PRKN: variants seen among roughly 807,000 people sequenced by gnomAD.
PRKN encodes the protein parkin RBR E3 ubiquitin protein ligase.
A neutral mutation model predicts 59.5 loss-of-function variants in PRKN; 56 were observed. The ratio of observed to expected loss-of-function variants is 0.94; its 90% CI spans 0.76 to 1.18. The LOEUF is 1.18. PRKN is among the 50% of genes most tolerant of loss of function. The probability of loss-of-function intolerance (pLI) is 0.00; values close to 1 mark genes in which losing one functional copy is unlikely to be tolerated. For synonymous variants in PRKN, 250 were observed against 222.1 expected (o/e 1.13, Z -1.12); for missense variants, 657 against 596.4 (o/e 1.10, Z -1.06).
At chr6:161,665,635 A>G (rs896149774) in intron 7 of PRKN, among the ~76,000 whole-genome samples, 2 of 152,156 alleles carry the variant, frequency 1.3e-5, no homozygotes, top group Non-Finnish European at 2.9e-5. Flanking sequence ...TTCTACATCA[A>G]AATCTCCTTT....
chr6:161,683,510 C>G (rs1030942993), intron 7 of PRKN, among the ~76,000 whole-genome samples: 12 of 152,170 alleles, frequency 7.9e-5, no homozygotes, highest in African/African-American at 2.9e-4. Flanking sequence ...AATCCCTTTC[C>G]TCTCCCCTCA....
chr6:161,939,554 A>C (rs1779480643), intron 6 of PRKN, among the ~76,000 whole-genome samples: 1 of 151,842 alleles, frequency 6.6e-6, no homozygotes, highest in African/African-American at 2.4e-5. Flanking sequence ...CAATATGGTG[A>C]AACCCCATCT....
At chr6:162,683,578 T>C (rs1486022476) in intron 1 of PRKN, among the ~76,000 whole-genome samples, 3 of 152,120 alleles carry the variant, frequency 2.0e-5, no homozygotes, top group African/African-American at 7.2e-5. Context: ...GGTTTTTGGT[T>C]AGTTTCCTGG....
chr6:162,029,740 G>A (rs1783569210), intron 5 of PRKN, among the ~76,000 whole-genome samples: 1 of 152,098 alleles, frequency 6.6e-6, no homozygotes, highest in Non-Finnish European at 1.5e-5. Flanking sequence ...TATTTTTGTT[G>A]TTGTTATCAT....
intron 6 of PRKN, among the ~76,000 whole-genome samples, chr6:161,825,491 T>C (rs1792206051): frequency 6.6e-6 from 1 of 152,216 alleles, no homozygotes; most frequent in Non-Finnish European, 1.5e-5. Context: ...CTCATGGCCA[T>C]GTCCCTTTCC....
intron 3 of PRKN, among the ~76,000 whole-genome samples, chr6:162,216,718 G>C (rs1485924420): frequency 6.6e-6 from 1 of 152,034 alleles, no homozygotes; most frequent in African/African-American, 2.4e-5. Context: ...CGGCCACACA[G>C]CCAGGACACT....
In PRKN at chr6:161,391,856, T is replaced by A. The variant is rs933150140; in HGVS notation, c.1084-4979A>T. Among the ~76,000 whole-genome samples the A allele has an allele frequency of 4.7e-4, 71 of 152,124 alleles. 1 individual carries two copies. The highest frequency in any genetic ancestry group is 1.5e-3 in the African/African-American group (64 of 41,486). ...AAGAGTTCCAGCCTGCCCTTCCTGA[T>A]GGCCACTCTGTGGATTTAGGAGGTG... On this transcript the variant is annotated intron_variant, in intron 9 of 11. Transcript: ENST00000366898. This position sits in a 1 kb window ranked among gnomAD's most constrained non-coding sequence, Gnocchi z 4.9.
chr6:161,910,810 A>T (rs1006977777), intron 6 of PRKN, among the ~76,000 whole-genome samples: 1 of 152,230 alleles, frequency 6.6e-6, no homozygotes, highest in Non-Finnish European at 1.5e-5. Context: ...CTGATCAGAC[A>T]GCAGCCATCA....
intron 4 of PRKN, among the ~76,000 whole-genome samples, chr6:162,162,568 T>C (rs1583131451): frequency 1.3e-5 from 2 of 152,156 alleles, no homozygotes; most frequent in East Asian, 3.9e-4. Context: ...GAGAAAACTG[T>C]ATGGAAAAAT....
rs373361356 is a variant in PRKN at position 161,442,481 on chromosome 6, G to T, written c.1084-55604C>A. 1.6e-4 allele frequency among the ~76,000 whole-genome samples: 25 copies of T among 152,242 alleles called. No individual in the cohort carries two copies. In the East Asian group the frequency reaches 3.3e-3, roughly 20 times the overall value. ...ACTCAGTATGATTTTAAAATCTCGG[G>T]CTTCATCTTTTGGATAATTCACATG... On this transcript the variant is annotated intron_variant, in intron 9 of 11. Transcript: ENST00000366898. The surrounding 1 kb of genome is among the most constrained non-coding windows in gnomAD (Gnocchi z 4.6).
intron 2 of PRKN, among the ~76,000 whole-genome samples, chr6:162,307,858 A>C (rs1306466352): frequency 2.8e-5 from 4 of 141,368 alleles, no homozygotes; most frequent in African/African-American, 6.4e-5. Context: ...ACGATATAAA[A>C]AGTGGTTATT....
At chr6:162,565,697 A>AATAC (rs55883841) in intron 1 of PRKN, among the ~76,000 whole-genome samples, 25,372 of 148,622 alleles carry the variant, frequency 0.17, 2,456 homozygotes, top group East Asian at 0.42. Context: ...TCTCAAAATA[A>AATAC]ATACATACAT....
In PRKN at chr6:161,473,665, T is replaced by TC. The variant is rs202077457; in HGVS notation, c.1083+75188_1083+75189insG. Reference sequence around the variant, plus strand: ...ATATTCTAGAAATGTACTAGAGGACTATAATTATAATATTGTATAATGAAA... The same window carrying TC: ...ATATTCTAGAAATGTACTAGAGGACTCATAATTATAATATTGTATAATGAAA... On this transcript the variant is annotated intron_variant, in intron 9 of 11. Transcript: ENST00000366898. This position sits in a 1 kb window ranked among gnomAD's most constrained non-coding sequence, Gnocchi z 4.1. Among the ~76,000 whole-genome samples, 11,832 of 152,044 alleles carry TC rather than the reference T, an allele frequency of 0.078. 668 individuals are homozygous for TC. The highest frequency in any genetic ancestry group is 0.16 in the African/African-American group (6,676 of 41,432).
intron 7 of PRKN, among the ~76,000 whole-genome samples, chr6:161,706,063 G>A (rs1022517914): frequency 2.0e-5 from 3 of 149,846 alleles, no homozygotes; most frequent in Non-Finnish European, 3.0e-5. Context: ...GTGGCCCTTC[G>A]CTGTTCCACA....
intron 4 of PRKN, among the ~76,000 whole-genome samples, chr6:162,060,993 G>A (rs1341544976): frequency 6.6e-6 from 1 of 152,100 alleles, no homozygotes; most frequent in East Asian, 1.9e-4. Context: ...TACAACAACA[G>A]CAAAACTATC....
At chr6:161,508,841 T>C (rs947728979) in intron 9 of PRKN, among the ~76,000 whole-genome samples, 36 of 150,836 alleles carry the variant, frequency 2.4e-4, no homozygotes, top group African/African-American at 8.4e-4. Flanking sequence ...TTGAGTGTTA[T>C]AATTCCTTTT....
chr6:161,349,900 C>A lies in PRKN; in HGVS notation c.*199G>T. ...GAGCTTCTTCTGTAATTTTACTCTG[C>A]TGTTTTTCATGGACATAGTGAAAGG... is the stretch of plus-strand genomic sequence containing the variant. On this transcript the variant is annotated 3_prime_UTR_variant, in exon 12 of 12. Transcript: ENST00000366898. This position sits in a 1 kb window ranked among gnomAD's most constrained non-coding sequence, Gnocchi z 5.5. The A allele has an allele frequency of 1.6e-5, 10 of 624,974 alleles. No individual in the cohort carries two copies. The South Asian group carries it at 1.6e-4, about 10-fold the overall frequency. 38.7% of individuals were successfully genotyped at this position (624,974 alleles called of 1,614,324 possible).
intron 7 of PRKN, among the ~76,000 whole-genome samples, chr6:161,645,835 G>A (rs1270854750): frequency 6.6e-6 from 1 of 152,264 alleles, no homozygotes; most frequent in East Asian, 1.9e-4. Flanking sequence ...AGTAGAAACA[G>A]TCTTGAAAAG....
At chr6:161,882,252 T>C (rs1214196903) in intron 6 of PRKN, among the ~76,000 whole-genome samples, 1 of 152,226 alleles carries the variant, frequency 6.6e-6, no homozygotes, top group East Asian at 1.9e-4. Flanking sequence ...TATTCTATTT[T>C]ATTATGTTGT....
Sources: allele counts gnomAD v4.1 joint callset (sites outside exome capture counted in the v4.1 genomes callset), GRCh38; gene constraint gnomAD v4.1.1; non-coding constraint Gnocchi (gnomAD v3.1); transcripts MANE v1.5; gene names NCBI Gene and HGNC (gene_info 2026-07-23, HGNC 2026-07-21).